PIP5K1C: variants seen among roughly 807,000 people sequenced by gnomAD.
PIP5K1C encodes phosphatidylinositol 4-phosphate 5-kinase type-1 gamma.
Under a neutral mutation model 80.1 loss-of-function variants are expected in PIP5K1C, and 45 were observed. That is an observed-to-expected ratio of 0.56 (90% CI 0.44 to 0.72). The LOEUF (loss-of-function observed/expected upper bound fraction) is 0.72, where lower values mean the gene tolerates loss of function less well. Among genes scored for constraint, PIP5K1C ranks in the 30% least tolerant of loss-of-function variants. The probability of loss-of-function intolerance (pLI) is 0.00; values close to 1 mark genes in which losing one functional copy is unlikely to be tolerated. For synonymous variants in PIP5K1C, 498 were observed against 420.1 expected, an observed-to-expected ratio of 1.19 and a Z score of -2.27; for missense variants, 753 against 954.6, an observed-to-expected ratio of 0.79 and a Z score of 2.78.
At chr19:3,700,122 C>G (rs2036250623) in intron 1 of PIP5K1C, among the ~76,000 whole-genome samples, 175 bp downstream of exon 1, 1 of 151,824 alleles carries the variant, frequency 6.6e-6, no homozygotes, top group African/African-American at 2.4e-5. Context: ...CGCTTCCCGG[C>G]GCGGCTTCAG....
At chr19:3,640,659 G>A (rs927539300) in intron 15 of PIP5K1C, among the ~76,000 whole-genome samples, 1 of 151,676 alleles carries the variant, frequency 6.6e-6, no homozygotes, top group Non-Finnish European at 1.5e-5. Context: ...CCAGTACTTT[G>A]GGAGGCCAAG....
chr19:3,687,323 C>T (rs2035790097), intron 1 of PIP5K1C, among the ~76,000 whole-genome samples: 1 of 152,110 alleles, frequency 6.6e-6, no homozygotes, highest in South Asian at 2.1e-4. Context: ...GACTGCGCCA[C>T]TGCACTCCAG....
At chr19:3,640,406 C>T (rs941213691) in intron 15 of PIP5K1C, among the ~76,000 whole-genome samples, 1 of 152,058 alleles carries the variant, frequency 6.6e-6, no homozygotes, top group African/African-American at 2.4e-5. Flanking sequence ...ATCCCAGCTA[C>T]TCGGGAGGCT....
At position 3,648,802 on chromosome 19, in the gene PIP5K1C, G is replaced by A. The variant is rs910129951; in HGVS notation, c.1128-94C>T. 9 of 1,059,302 alleles carry A rather than the reference G, an allele frequency of 8.5e-6. No homozygotes were observed. The Admixed American group carries it at 1.7e-4, about 20-fold the overall frequency. The allele number at this position is 1,059,302 out of a possible 1,614,324, so 65.6% of individuals were successfully genotyped here. A position where few individuals can be genotyped will look rare whatever the true frequency, so the allele number is the denominator to read the frequency against. On this transcript the variant is annotated intron_variant, in intron 8 of 17. Transcript: ENST00000335312. The surrounding 1 kb of genome is among the most constrained non-coding windows in gnomAD (Gnocchi z 4.3). ...GACTCCAGGGCTAGGGAGTCCATCT[G>A]CTCCTGTGGGTGGCAACTTGGCCAA...
intron 5 of PIP5K1C, among the ~76,000 whole-genome samples, chr19:3,659,537 C>T (rs1280575579): frequency 2.0e-5 from 3 of 152,242 alleles, no homozygotes; most frequent in East Asian, 1.9e-4. Context: ...CCGCCTCACA[C>T]GGTAGCGTCC....
At chr19:3,659,690 G>T (rs1234666876) in intron 5 of PIP5K1C, among the ~76,000 whole-genome samples, 10 of 152,128 alleles carry the variant, frequency 6.6e-5, no homozygotes, top group Non-Finnish European at 1.2e-4. Flanking sequence ...GTGACTCCCG[G>T]GCACCTGAAC....
Position 3,647,397 on chromosome 19 carries a change from A to C in PIP5K1C, c.1212-11T>G, listed in dbSNP as rs371348755. ...AGTTTCTTGATGAACCTGTGGAGAG[A>C]GCACCCGGAGTGGCAGCTGACATCA... On this transcript the variant is annotated splice_polypyrimidine_tract_variant and intron_variant, in intron 9 of 17. Transcript: ENST00000335312. 2 of 1,577,374 alleles carry C rather than the reference A, an allele frequency of 1.3e-6. No individual in the cohort carries two copies. The highest frequency in any genetic ancestry group is 8.6e-7 in the Non-Finnish European group (1 of 1,160,620).
intron 2 of PIP5K1C, 32 bp from the exon 3 acceptor site, chr19:3,664,946 C>T (rs1457972305): frequency 1.3e-6 from 2 of 1,529,464 alleles, no homozygotes; most frequent in East Asian, 2.2e-5. Context: ...CGTTAACTCC[C>T]TAAGGAGCAC....
intron 16 of PIP5K1C, among the ~76,000 whole-genome samples, chr19:3,636,225 A>G (rs2033682249): frequency 1.3e-5 from 2 of 152,080 alleles, no homozygotes; most frequent in African/African-American, 4.8e-5. Context: ...GGGGACAGAG[A>G]GGGACACCCT....
chr19:3,677,077 G>C (rs915672242), intron 1 of PIP5K1C, among the ~76,000 whole-genome samples: 3 of 151,870 alleles, frequency 2.0e-5, no homozygotes, highest in Non-Finnish European at 4.4e-5. Flanking sequence ...ACTCTAGCCT[G>C]GGCAACAGAG....
chr19:3,676,387 G>A (rs1266630034), intron 1 of PIP5K1C, among the ~76,000 whole-genome samples: 1 of 152,254 alleles, frequency 6.6e-6, no homozygotes, highest in African/African-American at 2.4e-5. Flanking sequence ...GCCCGCCCGG[G>A]CTTGGTTCTG....
intron 1 of PIP5K1C, among the ~76,000 whole-genome samples, chr19:3,685,201 G>A (rs117502350): frequency 2.0e-5 from 3 of 152,320 alleles, no homozygotes; most frequent in East Asian, 3.9e-4. Flanking sequence ...GTCCTCACAC[G>A]GCTGGGGGTG....
chr19:3,638,450 G>A (rs901896074), intron 16 of PIP5K1C, among the ~76,000 whole-genome samples: 14 of 152,248 alleles, frequency 9.2e-5, no homozygotes, highest in African/African-American at 3.1e-4. Flanking sequence ...AGAAGGTCCT[G>A]CCGCCACAGC....
Position 3,656,538 on chromosome 19 carries a change from G to T in PIP5K1C, c.488C>A (p.Pro163Gln). The change falls in exon 6 of 18, where the codon CCG becomes CAG. Residue 163 changes from proline (P) to glutamine (Q), a missense_variant. By Grantham distance (76) the Pro-to-Gln change is moderately conservative (BLOSUM62 -1). Transcript: ENST00000335312. Reference protein sequence around the residue: ...DDYLYSLCNEPLIELSNPGAS... With the variant: ...DDYLYSLCNEQLIELSNPGAS... Reference sequence around the variant, plus strand: ...GCCCGGGTTGGACAGCTCGATCAGCGGCTCATTGCACAGGGAGTACTGGAA... The same window carrying T: ...GCCCGGGTTGGACAGCTCGATCAGCTGCTCATTGCACAGGGAGTACTGGAA... The T allele has an allele frequency of 6.2e-7, 1 of 1,613,750 alleles. No homozygotes were observed.
At chr19:3,678,727 G>T (rs2035492762) in intron 1 of PIP5K1C, among the ~76,000 whole-genome samples, 1 of 136,360 alleles carries the variant, frequency 7.3e-6, no homozygotes, top group Non-Finnish European at 1.6e-5. Context: ...GGGATGGCGG[G>T]ATGGCAGGAT....
chr19:3,674,344 C>G (rs1442824890), intron 1 of PIP5K1C: 1 of 152,330 alleles, frequency 6.6e-6, no homozygotes, highest in African/African-American at 2.4e-5. Flanking sequence ...TGAAACAGAT[C>G]TCGGCTCACT....
At chr19:3,693,773 G>A (rs79289611) in intron 1 of PIP5K1C, among the ~76,000 whole-genome samples, 1 of 152,260 alleles carries the variant, frequency 6.6e-6, no homozygotes, top group African/African-American at 2.4e-5. Context: ...GTTCCAAAAG[G>A]GAAAGAAGGG....
Position 3,637,359 on chromosome 19 carries a change from C to T in PIP5K1C, c.1920+1525G>A, listed in dbSNP as rs977765221. On this transcript the variant is annotated intron_variant, in intron 16 of 17. Transcript: ENST00000335312. This position sits in a 1 kb window ranked among gnomAD's most constrained non-coding sequence, Gnocchi z 7.0. ...ATGACATTCCCAGTGACGCATGCAG[C>T]CCAGCGCCTGGTCCGGGGCCAGCGT... is the stretch of plus-strand genomic sequence containing the variant. The T allele has an allele frequency of 3.3e-6, 5 of 1,535,102 alleles. No individual in the cohort carries two copies. The South Asian group carries it at 4.8e-5, about 15-fold the overall frequency.
At position 3,637,782 on chromosome 19, in the gene PIP5K1C, C is replaced by T. The variant is rs781262078; in HGVS notation, c.1920+1102G>A. On this transcript the variant is annotated intron_variant, in intron 16 of 17. Transcript: ENST00000335312. This position sits in a 1 kb window ranked among gnomAD's most constrained non-coding sequence, Gnocchi z 7.0. ...GGGGGTGCCGGGGCAGGGGCAGGAC[C>T]GAGGACCCTTCTCCCTTCTCTGCTG... 9.8e-6 allele frequency: 15 copies of T among 1,533,432 alleles called. No individual in the cohort carries two copies. The South Asian group carries it at 1.7e-4, about 17-fold the overall frequency. 95.0% of individuals were successfully genotyped at this position (1,533,432 alleles called of 1,614,324 possible).
Sources: gnomAD v4.1 joint callset for allele counts (sites outside exome capture counted in the v4.1 genomes callset) on GRCh38, gnomAD v4.1.1 for gene constraint, Gnocchi (gnomAD v3.1) non-coding constraint, MANE v1.5 for transcripts, NCBI Gene and HGNC (gene_info 2026-07-23, HGNC 2026-07-21) for gene names.